The following RARB variants were observed in gnomAD, a reference collection of about 807,000 sequenced individuals.
RARB encodes HBV-activated protein.
A neutral mutation model predicts 51.9 loss-of-function variants in RARB; 17 were observed. That is an observed-to-expected ratio of 0.33 (90% CI 0.22 to 0.49). RARB has a LOEUF of 0.49. Ranked by LOEUF, RARB falls within the 20% of genes least tolerant of loss-of-function variation. The probability of loss-of-function intolerance (pLI) is 0.99; values close to 1 mark genes in which losing one functional copy is unlikely to be tolerated. For missense variants in RARB, 369 were observed against 550.8 expected (o/e 0.67, Z 3.30); for synonymous variants, 215 against 195.4 (o/e 1.10, Z -0.84).
In RARB at chr3:25,054,221, T is replaced by G. The variant is rs141903990; in HGVS notation, c.-379-5904T>G. On this transcript the variant is annotated intron_variant, in intron 2 of 11. Transcript: ENST00000383772. ...TTAAACCAAATGTGCATACACTAATTATCCATTGGTTTATTCATTCAGATG... is the reference window on the plus strand; with the variant it reads ...TTAAACCAAATGTGCATACACTAATGATCCATTGGTTTATTCATTCAGATG... 6.4e-3 allele frequency among the ~76,000 whole-genome samples: 977 copies of G among 152,156 alleles called. 12 individuals are homozygous for G. Among genetic ancestry groups the G allele is most frequent in the African/African-American group, 0.02 (841 of 41,488 alleles).
At position 25,208,341 on chromosome 3, in the gene RARB, A is replaced by G. The variant is rs534408188; in HGVS notation, c.178+33766A>G. Among the ~76,000 whole-genome samples the G allele has an allele frequency of 3.3e-5, 5 of 152,326 alleles. No homozygotes were observed. In the South Asian group the frequency reaches 1.0e-3, roughly 32 times the overall value. On this transcript the variant is annotated intron_variant, in intron 5 of 11. Transcript: ENST00000383772. Reference sequence around the variant, plus strand: ...CTAATATTCTGAAATTTTGAATATAAGTTCATCAGAAGTCTCATCCACTTA... The same window carrying G: ...CTAATATTCTGAAATTTTGAATATAGGTTCATCAGAAGTCTCATCCACTTA...
intron 2 of RARB, among the ~76,000 whole-genome samples, chr3:25,496,585 G>A (rs1347683070): frequency 6.6e-6 from 1 of 152,232 alleles, no homozygotes; most frequent in Non-Finnish European, 1.5e-5. Context: ...ACCAGCCACA[G>A]GTTGGCATTC....
intron 5 of RARB, among the ~76,000 whole-genome samples, chr3:25,265,156 C>T (rs117878134): frequency 0.038 from 5,801 of 152,186 alleles, 132 homozygotes; most frequent in East Asian, 0.078. Context: ...TTTGTTATAG[C>T]AGCCCAAATG....
intron 4 of RARB, among the ~76,000 whole-genome samples, chr3:25,170,991 A>T (rs1443406810): frequency 6.6e-6 from 1 of 151,832 alleles, no homozygotes; most frequent in African/African-American, 2.4e-5. Context: ...TATCAACTAT[A>T]CCGACAATTA....
chr3:24,992,255 G>T (rs1257276914), intron 2 of RARB, among the ~76,000 whole-genome samples: 1 of 151,910 alleles, frequency 6.6e-6, no homozygotes, highest in Non-Finnish European at 1.5e-5. Context: ...AAATATTTAG[G>T]GTATTTTCTT....
intron 5 of RARB, among the ~76,000 whole-genome samples, chr3:25,192,395 G>A (rs936092459): frequency 2.0e-5 from 3 of 152,054 alleles, no homozygotes; most frequent in African/African-American, 7.2e-5. Flanking sequence ...CTGATGAATG[G>A]AAGGGAAATG....
chr3:25,578,070 T>C (rs1701014163), intron 4 of RARB, among the ~76,000 whole-genome samples: 1 of 152,200 alleles, frequency 6.6e-6, no homozygotes, highest in South Asian at 2.1e-4. Context: ...CCACCCCACT[T>C]TCTGCTTCTC....
intron 2 of RARB, among the ~76,000 whole-genome samples, chr3:24,983,717 A>G (rs1696726720): frequency 6.6e-6 from 1 of 152,128 alleles, no homozygotes; most frequent in Non-Finnish European, 1.5e-5. Flanking sequence ...TTTGCTAGAA[A>G]AAAATGGCCC....
chr3:25,459,807 A>G (rs1037735793), intron 1 of RARB, among the ~76,000 whole-genome samples: 2 of 152,230 alleles, frequency 1.3e-5, no homozygotes, highest in African/African-American at 4.8e-5. Flanking sequence ...TCTGGGAAAT[A>G]CACTGTGTAT....
At chr3:25,526,517 G>A (rs774272505) in intron 3 of RARB, among the ~76,000 whole-genome samples, 2 of 152,158 alleles carry the variant, frequency 1.3e-5, no homozygotes, top group Non-Finnish European at 2.9e-5. Flanking sequence ...TGATGGCTTG[G>A]ACTAATGGAG....
At chr3:25,366,788 C>G (rs1471109083) in intron 5 of RARB, among the ~76,000 whole-genome samples, 1 of 152,170 alleles carries the variant, frequency 6.6e-6, no homozygotes, top group African/African-American at 2.4e-5. Flanking sequence ...TTTGGATAGT[C>G]TCCAGTGAGA....
At chr3:25,236,602 C>T (rs959139342) in intron 5 of RARB, among the ~76,000 whole-genome samples, 1 of 152,036 alleles carries the variant, frequency 6.6e-6, no homozygotes, top group Non-Finnish European at 1.5e-5. Context: ...CTTTTCTTCC[C>T]TTCACTATGC....
chr3:25,033,680 G>C (rs1243888377), intron 2 of RARB, among the ~76,000 whole-genome samples: 1 of 152,102 alleles, frequency 6.6e-6, no homozygotes, highest in Non-Finnish European at 1.5e-5. Flanking sequence ...AGAGAGCAGT[G>C]GCTGCAGCTT....
chr3:24,915,372 G>A (rs1695085185), intron 2 of RARB, among the ~76,000 whole-genome samples: 1 of 152,114 alleles, frequency 6.6e-6, no homozygotes, highest in Non-Finnish European at 1.5e-5. Flanking sequence ...TAACTGGCAT[G>A]TGTCAATTTT....
chr3:25,274,798 G>C (rs1403354514), intron 5 of RARB, among the ~76,000 whole-genome samples: 1 of 152,040 alleles, frequency 6.6e-6, no homozygotes, highest in Non-Finnish European at 1.5e-5. Flanking sequence ...ACAGGAAGGG[G>C]AGAGGAAATA....
chr3:25,513,685 C>T (rs1271512399), intron 3 of RARB, among the ~76,000 whole-genome samples: 1 of 151,894 alleles, frequency 6.6e-6, no homozygotes, highest in Non-Finnish European at 1.5e-5. Context: ...CACACACACA[C>T]ATTTCATCAA....
intron 5 of RARB, among the ~76,000 whole-genome samples, chr3:25,181,839 C>A (rs746165932): frequency 3.9e-5 from 6 of 152,044 alleles, no homozygotes; most frequent in Admixed American, 6.6e-5. Flanking sequence ...AAAATCATGT[C>A]ACCGATGGCA....
chr3:25,501,350 C>T (rs1204198761), intron 3 of RARB, 27 bp downstream of exon 3: 3 of 1,604,530 alleles, frequency 1.9e-6, no homozygotes, highest in South Asian at 2.3e-5. Context: ...AAAACTTTTT[C>T]CCTGTTTTCC....
At chr3:25,273,347 A>C (rs1486944187) in intron 5 of RARB, among the ~76,000 whole-genome samples, 1 of 152,210 alleles carries the variant, frequency 6.6e-6, no homozygotes, top group East Asian at 1.9e-4. Flanking sequence ...CTACTTCAGA[A>C]ATGTTTACAA....
Sources: gnomAD v4.1 joint callset for allele counts (sites outside exome capture counted in the v4.1 genomes callset) on GRCh38, gnomAD v4.1.1 for gene constraint, MANE v1.5 for transcripts, NCBI Gene and HGNC (gene_info 2026-07-23, HGNC 2026-07-21) for gene names.